Variants in RRM2 observed in about 807,000 individuals in gnomAD.
RRM2 encodes the protein ribonucleoside-diphosphate reductase subunit M2.
RRM2 carries 6 observed loss-of-function variants against 45.9 expected under a neutral mutation model. That is an observed-to-expected ratio of 0.13 (90% confidence interval 0.07 to 0.26). The LOEUF (loss-of-function observed/expected upper bound fraction) is 0.26. Among genes scored for constraint, RRM2 ranks in the 10% least tolerant of loss-of-function variants. The probability of loss-of-function intolerance (pLI) is 1.00; values close to 1 mark genes in which losing one functional copy is unlikely to be tolerated. For synonymous variants in RRM2, 177 were observed against 173.0 expected (o/e 1.02, Z -0.18); for missense variants, 343 against 489.5 (o/e 0.70, Z 2.82).
chr2:10,167,033 G>C (rs1308835682), intron 3 of RRM2, among the ~76,000 whole-genome samples: 1 of 152,202 alleles, frequency 6.6e-6, no homozygotes, highest in African/African-American at 2.4e-5. Flanking sequence ...ACACGGCTAA[G>C]AACTCTGCCT....
chr2:10,123,283 C>T (rs1662705815), intron 2 of RRM2, 104 bp from the exon 3 acceptor site: 1 of 1,408,050 alleles, frequency 7.1e-7, no homozygotes, highest in Non-Finnish European at 9.5e-7. Flanking sequence ...GTTTTCACAT[C>T]GGGCCCCGTG....
downstream of RRM2, among the ~76,000 whole-genome samples, chr2:10,135,265 G>T (rs1205797658): frequency 2.0e-5 from 3 of 152,194 alleles, no homozygotes; most frequent in African/African-American, 7.2e-5. Flanking sequence ...CTACTCACGA[G>T]GCTGAGGTGG....
intron 3 of RRM2, among the ~76,000 whole-genome samples, chr2:10,143,641 G>C (rs1056292231): frequency 2.1e-4 from 32 of 152,130 alleles, no homozygotes; most frequent in African/African-American, 7.7e-4. Context: ...CCCCAGAGTG[G>C]GAGTCATCAG....
chr2:10,123,140 C>T (rs995900318), intron 2 of RRM2, 83 bp downstream of exon 2: 20 of 1,434,066 alleles, frequency 1.4e-5, no homozygotes, highest in Non-Finnish European at 1.9e-5. Flanking sequence ...CTCAGCTGTT[C>T]ACACTCCCGC....
chr2:10,170,125 G>A (rs374317403), intron 3 of RRM2, among the ~76,000 whole-genome samples: 7 of 152,114 alleles, frequency 4.6e-5, no homozygotes, highest in Non-Finnish European at 8.8e-5. Context: ...TTTAAGTCAC[G>A]CTCCGGACAT....
chr2:10,151,727 C>G (rs969648936), intron 3 of RRM2, among the ~76,000 whole-genome samples: 10 of 152,180 alleles, frequency 6.6e-5, no homozygotes, highest in African/African-American at 2.2e-4. Flanking sequence ...CACATAAGAG[C>G]AACACAAGAG....
At chr2:10,210,312 CTTCCAGGA>C (rs1456814192) in exon 4 of RRM2, 1 of 1,365,914 alleles carries the variant, frequency 7.3e-7, no homozygotes, top group African/African-American at 1.5e-5. Context: ...TCCAATCAGT[CTTCCAGGA>C]TCTCAACCAG....
At chr2:10,182,262 C>T (rs779869283) in intron 3 of RRM2, among the ~76,000 whole-genome samples, 8 of 151,876 alleles carry the variant, frequency 5.3e-5, no homozygotes, top group Non-Finnish European at 1.2e-4. Flanking sequence ...TGCTTAAACC[C>T]GGGAGGCGGA....
At chr2:10,133,000 C>G (rs371786419), downstream of RRM2, among the ~76,000 whole-genome samples, 14 of 151,934 alleles carry the variant, frequency 9.2e-5, 1 homozygote, top group Admixed American at 5.9e-4. Flanking sequence ...TCCCCGGCCT[C>G]ACCCCCAGAC....
At chr2:10,209,699 A>T (rs567436485) in intron 3 of RRM2, among the ~76,000 whole-genome samples, 5 of 152,256 alleles carry the variant, frequency 3.3e-5, no homozygotes, top group African/African-American at 1.2e-4. Context: ...GATGCCACTC[A>T]GTGGGAAGTG....
chr2:10,160,264 C>G (rs942656544), intron 3 of RRM2, among the ~76,000 whole-genome samples: 4 of 152,188 alleles, frequency 2.6e-5, no homozygotes, highest in Admixed American at 6.5e-5. Context: ...CATTTTGTAT[C>G]AAATCCAAAT....
Position 10,122,754 on chromosome 2 carries a change from G to T in RRM2, c.-45G>T, listed in dbSNP as rs1284149820. 3 of 1,558,060 alleles carry T rather than the reference G, an allele frequency of 1.9e-6. No homozygotes were observed. The highest frequency in any genetic ancestry group is 3.3e-4 in the Middle Eastern group (2 of 5,994). On this transcript the variant is annotated 5_prime_UTR_variant, in exon 1 of 10. Coordinates refer to ENST00000304567, the MANE Select transcript of RRM2 (RefSeq NM_001034.4). ...GGGGTCGCCCGTGCACCCTGTCCCAGCCGTCCTGTCCTGGCTGCTCGCTCT... is the reference window on the plus strand; with the variant it reads ...GGGGTCGCCCGTGCACCCTGTCCCATCCGTCCTGTCCTGGCTGCTCGCTCT...
rs1558408373 is a variant in RRM2, at chr2:10,204,635, C to T, written n.483-5676C>T. Among the ~76,000 whole-genome samples, 2 of 152,268 alleles carry T rather than the reference C, an allele frequency of 1.3e-5. No individual in the cohort carries two copies. Among genetic ancestry groups the T allele is most frequent in the African/African-American group, 2.4e-5 (1 of 41,476 alleles). On this transcript the variant is annotated intron_variant and non_coding_transcript_variant, in intron 3 of 3. Transcript: ENST00000381786. The surrounding 1 kb of genome is among the most constrained non-coding windows in gnomAD (Gnocchi z 4.0). ...GCATCCGAGGCCATTAGGGACAGGA[C>T]GCTAATGCATCGGCGCCCCATTGAT...
In RRM2 at chr2:10,130,894, T is replaced by C. The variant is rs1662886311; in HGVS notation, c.*1508T>C. ...ATCCACCCACCTCGGCCTCCCAAAG[T>C]GCTGGGATTGCAGGCGTGATAAACA... On this transcript the variant is annotated 3_prime_UTR_variant, in exon 10 of 10. Transcript: ENST00000304567. 1 of 152,178 alleles carries C rather than the reference T, an allele frequency of 6.6e-6. No homozygotes were observed. The highest frequency in any genetic ancestry group is 2.4e-5 in the African/African-American group (1 of 41,442). 9.4% of individuals were successfully genotyped at this position (152,178 alleles called of 1,614,324 possible).
At chr2:10,137,817 TCTC>T (rs1663017526), upstream of RRM2, among the ~76,000 whole-genome samples, 2 of 152,160 alleles carry the variant, frequency 1.3e-5, no homozygotes, top group South Asian at 4.1e-4. Context: ...GGGTCTAGCC[TCTC>T]CTCCAGAAGG....
At chr2:10,183,221 A>G (rs998936007) in intron 3 of RRM2, among the ~76,000 whole-genome samples, 2 of 152,224 alleles carry the variant, frequency 1.3e-5, no homozygotes, top group African/African-American at 4.8e-5. Context: ...CATTGAGAGC[A>G]TGGCCAAAGA....
Position 10,129,213 on chromosome 2 carries a change from T to C in RRM2, c.1018-21T>C. ...TTGAAGCTGGTGCTCTGTATTTATATCTTGATGTGAACCTTTTCAGGTTTT... is the reference window on the plus strand; with the variant it reads ...TTGAAGCTGGTGCTCTGTATTTATACCTTGATGTGAACCTTTTCAGGTTTT... On this transcript the variant is annotated intron_variant, in intron 9 of 9. Transcript: ENST00000304567. The surrounding 1 kb of genome is among the most constrained non-coding windows in gnomAD (Gnocchi z 4.8). The C allele has an allele frequency of 1.2e-6, 2 of 1,613,888 alleles. No individual in the cohort carries two copies. Among genetic ancestry groups the C allele is most frequent in the Non-Finnish European group, 8.5e-7 (1 of 1,179,852 alleles).
At chr2:10,162,697 T>G in intron 3 of RRM2, among the ~76,000 whole-genome samples, 1 of 41,432 alleles carries the variant, frequency 2.4e-5, no homozygotes, top group African/African-American at 9.9e-5. Flanking sequence ...CCCACCCCCC[T>G]GCCGAGGCCT....
chr2:10,142,342 G>A (rs752052058), exon 3 of RRM2: 69 of 1,378,518 alleles, frequency 5.0e-5, no homozygotes, highest in Non-Finnish European at 6.4e-5. Flanking sequence ...CTCGGGGTGC[G>A]CCAGTGGAAG....
Sources: gnomAD v4.1 joint callset for allele counts (sites outside exome capture counted in the v4.1 genomes callset) on GRCh38, gnomAD v4.1.1 for gene constraint, Gnocchi (gnomAD v3.1) non-coding constraint, MANE v1.5 for transcripts, NCBI Gene and HGNC (gene_info 2026-07-23, HGNC 2026-07-21) for gene names.